FAM110B: variants seen among roughly 807,000 people sequenced by gnomAD.
FAM110B encodes the protein protein FAM110B.
A neutral mutation model predicts 20.4 loss-of-function variants in FAM110B; 6 were observed. That is an observed-to-expected ratio of 0.29 (90% CI 0.16 to 0.58). The LOEUF (loss-of-function observed/expected upper bound fraction) is 0.58, where lower values mean the gene tolerates loss of function less well. Among genes scored for constraint, FAM110B ranks in the 20% least tolerant of loss-of-function variants. FAM110B has a pLI of 0.90. For missense variants in FAM110B, 434 were observed against 498.2 expected, an observed-to-expected ratio of 0.87 and a Z score of 1.23; for synonymous variants, 226 against 214.1, an observed-to-expected ratio of 1.06 and a Z score of -0.49.
At chr8:58,119,632 G>A (rs973212150) in intron 3 of FAM110B, among the ~76,000 whole-genome samples, 1 of 152,196 alleles carries the variant, frequency 6.6e-6, no homozygotes, top group Non-Finnish European at 1.5e-5. Context: ...ACTGGCAAGG[G>A]TACTTATAGT....
At chr8:58,104,967 A>C in intron 3 of FAM110B, among the ~76,000 whole-genome samples, 1 of 151,866 alleles carries the variant, frequency 6.6e-6, no homozygotes, top group South Asian at 2.1e-4. Context: ...TAAAGGAAAA[A>C]AAAAAAAAAA....
intron 1 of FAM110B, among the ~76,000 whole-genome samples, chr8:58,026,791 C>A (rs1253093483): frequency 6.6e-6 from 1 of 152,168 alleles, no homozygotes; most frequent in East Asian, 1.9e-4. Flanking sequence ...TACATATTAT[C>A]AATCTTCTAC....
chr8:58,053,391 T>C (rs1805491941), intron 2 of FAM110B, among the ~76,000 whole-genome samples: 1 of 152,194 alleles, frequency 6.6e-6, no homozygotes, highest in African/African-American at 2.4e-5. Context: ...ACTCCTGAGT[T>C]TCTGGCCAAC....
chr8:58,078,724 G>C (rs905268590), intron 3 of FAM110B, among the ~76,000 whole-genome samples: 1 of 151,506 alleles, frequency 6.6e-6, no homozygotes, highest in Non-Finnish European at 1.5e-5. Context: ...CTAATTTTTT[G>C]TATTTTTAGT....
chr8:58,141,888 GC>G (rs1585921158), intron 3 of FAM110B, among the ~76,000 whole-genome samples: 1 of 152,158 alleles, frequency 6.6e-6, no homozygotes, highest in Non-Finnish European at 1.5e-5. Context: ...GGCACAAATT[GC>G]CCGGATTACA....
chr8:58,019,528 T>C (rs967545215), intron 1 of FAM110B, among the ~76,000 whole-genome samples: 1 of 152,144 alleles, frequency 6.6e-6, no homozygotes, highest in Non-Finnish European at 1.5e-5. Flanking sequence ...TTGTTTATTA[T>C]AGGGTAGGTC....
intron 3 of FAM110B, among the ~76,000 whole-genome samples, chr8:58,103,362 C>A (rs1056859295): frequency 6.7e-6 from 1 of 149,162 alleles, no homozygotes. Context: ...GTGATGTTCC[C>A]CTTCCTGTGT....
intron 3 of FAM110B, among the ~76,000 whole-genome samples, chr8:58,142,552 C>T (rs1803765725): frequency 6.6e-6 from 1 of 151,614 alleles, no homozygotes; most frequent in Non-Finnish European, 1.5e-5. Flanking sequence ...TCCCCCACCC[C>T]GACCCCTGCC....
At chr8:58,018,368 T>G (rs1804679171) in intron 1 of FAM110B, among the ~76,000 whole-genome samples, 1 of 152,198 alleles carries the variant, frequency 6.6e-6, no homozygotes, top group African/African-American at 2.4e-5. Flanking sequence ...TTGGAAATAC[T>G]TCTTGTCTTA....
At chr8:58,085,484 G>A (rs753927847) in intron 3 of FAM110B, among the ~76,000 whole-genome samples, 1 of 152,320 alleles carries the variant, frequency 6.6e-6, no homozygotes, top group East Asian at 1.9e-4. Context: ...CTGCACTCCA[G>A]CCTGGGTGAC....
chr8:58,070,375 G>A (rs904463383), intron 2 of FAM110B: 5 of 152,220 alleles, frequency 3.3e-5, no homozygotes, highest in Non-Finnish European at 5.9e-5. Context: ...CAGTGAAGGA[G>A]GCTCAGTTCA....
intron 3 of FAM110B, among the ~76,000 whole-genome samples, chr8:58,107,651 A>G (rs1413761159): frequency 2.0e-5 from 3 of 152,248 alleles, no homozygotes. Context: ...AGATGTTTGT[A>G]TAATGCATAA....
At chr8:58,139,272 G>A (rs1358521376) in intron 3 of FAM110B, among the ~76,000 whole-genome samples, 2 of 152,196 alleles carry the variant, frequency 1.3e-5, no homozygotes, top group Admixed American at 6.5e-5. Context: ...CTTGCAATCC[G>A]GAGCTGATTG....
At chr8:58,130,055 G>A (rs1269356200) in intron 3 of FAM110B, among the ~76,000 whole-genome samples, 1 of 152,090 alleles carries the variant, frequency 6.6e-6, no homozygotes, top group African/African-American at 2.4e-5. Context: ...AAAGGAACTT[G>A]ACATTCACCT....
At chr8:58,047,531 T>G (rs145693436) in intron 2 of FAM110B, among the ~76,000 whole-genome samples, 247 of 149,428 alleles carry the variant, frequency 1.7e-3, no homozygotes, top group Admixed American at 4.9e-3. Flanking sequence ...TGGGGTGTAG[T>G]TCCAGCAACT....
At chr8:58,138,029 T>A (rs1803659861) in intron 3 of FAM110B, among the ~76,000 whole-genome samples, 1 of 152,236 alleles carries the variant, frequency 6.6e-6, no homozygotes, top group Non-Finnish European at 1.5e-5. Flanking sequence ...GCTCCTCTCC[T>A]GCTCCTTATC....
intron 2 of FAM110B, among the ~76,000 whole-genome samples, chr8:58,072,002 C>T (rs1054546344): frequency 6.6e-6 from 1 of 152,106 alleles, no homozygotes; most frequent in Non-Finnish European, 1.5e-5. Context: ...GCTCCTCTCT[C>T]GTTTCCCTCC....
chr8:58,099,149 T>C (rs1272273937), intron 3 of FAM110B: 1 of 152,196 alleles, frequency 6.6e-6, no homozygotes. Flanking sequence ...TCAAGGGATG[T>C]AGACAAATAC....
intron 1 of FAM110B, among the ~76,000 whole-genome samples, chr8:58,021,188 T>C (rs1804746032): frequency 6.6e-6 from 1 of 152,302 alleles, no homozygotes; most frequent in South Asian, 2.1e-4. Flanking sequence ...GTTTCACCAG[T>C]TGGAAGCACT....
Sources: allele counts gnomAD v4.1 joint callset (sites outside exome capture counted in the v4.1 genomes callset), GRCh38; gene constraint gnomAD v4.1.1; transcripts MANE v1.5; gene names NCBI Gene and HGNC (gene_info 2026-07-23, HGNC 2026-07-21).